SNX1: variants seen among roughly 807,000 people sequenced by gnomAD.
The protein encoded by SNX1 is sorting nexin-1.
A neutral mutation model predicts 71.8 loss-of-function variants in SNX1; 36 were observed. The ratio of observed to expected loss-of-function variants is 0.50; its 90% CI spans 0.38 to 0.66. The LOEUF (loss-of-function observed/expected upper bound fraction) is 0.66. Ranked by LOEUF, SNX1 falls within the 30% of genes least tolerant of loss-of-function variation. SNX1 has a pLI of 0.00. For synonymous variants in SNX1, 254 were observed against 240.7 expected, an observed-to-expected ratio of 1.06 and a Z score of -0.51; for missense variants, 612 against 646.7, an observed-to-expected ratio of 0.95 and a Z score of 0.58.
intron 2 of SNX1, among the ~76,000 whole-genome samples, chr15:64,117,422 G>GT (rs1188476286): frequency 6.6e-6 from 1 of 151,818 alleles, no homozygotes; most frequent in African/African-American, 2.4e-5. Context: ...CCTGGCTACT[G>GT]TTTTTTTGTA....
At chr15:64,136,132 T>G (rs2081357003) in intron 12 of SNX1, among the ~76,000 whole-genome samples, 198 bp from the exon 13 acceptor site, 4 of 152,186 alleles carry the variant, frequency 2.6e-5, no homozygotes, top group Admixed American at 2.6e-4. Context: ...GCATCTCTTT[T>G]CCAGTCAGCC....
chr15:64,126,282 C>T (rs1476322846), intron 6 of SNX1, 62 bp downstream of exon 6: 1 of 1,558,188 alleles, frequency 6.4e-7, no homozygotes, highest in East Asian at 2.2e-5. Context: ...CCAAAATTCA[C>T]TCACTGTTCA....
intron 11 of SNX1, among the ~76,000 whole-genome samples, chr15:64,133,511 C>T (rs190769668): frequency 2.0e-5 from 3 of 152,336 alleles, no homozygotes; most frequent in Admixed American, 6.5e-5. Flanking sequence ...AGATGGATCA[C>T]CTGAGGTCAG....
At chr15:64,098,034 C>G (rs552702527) in intron 1 of SNX1, among the ~76,000 whole-genome samples, 1 of 152,210 alleles carries the variant, frequency 6.6e-6, no homozygotes, top group East Asian at 1.9e-4. Context: ...AAACAGGAAA[C>G]AATTTTTGTT....
chr15:64,107,002 G>A (rs2081029312), intron 1 of SNX1, among the ~76,000 whole-genome samples: 1 of 152,172 alleles, frequency 6.6e-6, no homozygotes, highest in Non-Finnish European at 1.5e-5. Flanking sequence ...AGTAAAGGTG[G>A]CAAAACCAAC....
intron 4 of SNX1, among the ~76,000 whole-genome samples, chr15:64,119,456 A>C (rs187625604): frequency 6.6e-6 from 1 of 152,268 alleles, no homozygotes; most frequent in Non-Finnish European, 1.5e-5. Context: ...CAGGCCAGCC[A>C]TGGTGGCTCA....
Position 64,118,241 on chromosome 15 carries a change from G to A in SNX1, c.396G>A (p.Glu132=), listed in dbSNP as rs758601812. The A allele has an allele frequency of 6.2e-7, 1 of 1,612,560 alleles. No individual in the cohort carries two copies. Among genetic ancestry groups the A allele is most frequent in the South Asian group, 1.1e-5 (1 of 90,982 alleles). ...TNSSKPQPTY[E]ELEEEEQEDQ... ...CTTCGAAGCCCCAGCCAACCTATGA[G>A]GAGGTGAGGATCTGTGCTCTTGGTC... Residue 132 remains glutamate, a synonymous_variant, in exon 3 of 15, where the codon GAG becomes GAA. Coordinates refer to ENST00000559844, the MANE Select transcript of SNX1 (RefSeq NM_003099.5).
intron 2 of SNX1, among the ~76,000 whole-genome samples, chr15:64,113,456 A>G (rs2081097712): frequency 6.6e-6 from 1 of 152,168 alleles, no homozygotes; most frequent in Non-Finnish European, 1.5e-5. Context: ...TGTACACAGG[A>G]CAGGCCCTCA....
chr15:64,117,985 A>T, intron 2 of SNX1, 132 bp from the exon 3 acceptor site: 1 of 812,508 alleles, frequency 1.2e-6, no homozygotes, highest in Non-Finnish European at 2.0e-6. Flanking sequence ...TAAACATTTT[A>T]TGACTTTCAG....
chr15:64,132,800 G>T (rs1247520005), intron 11 of SNX1, among the ~76,000 whole-genome samples: 1 of 152,218 alleles, frequency 6.6e-6, no homozygotes, highest in African/African-American at 2.4e-5. Flanking sequence ...TTACCCCGTG[G>T]TGGAGATGCC....
chr15:64,097,186 G>T (rs2080911810), intron 1 of SNX1, among the ~76,000 whole-genome samples: 1 of 152,192 alleles, frequency 6.6e-6, no homozygotes, highest in South Asian at 2.1e-4. Context: ...GATGGTCCCT[G>T]CTTGGCCTGC....
At chr15:64,131,531 T>C (rs2081306568) in intron 10 of SNX1, 156 bp from the exon 11 acceptor site, 3 of 653,062 alleles carry the variant, frequency 4.6e-6, no homozygotes, top group Non-Finnish European at 7.9e-6. Context: ...ACTCTCTGAA[T>C]ACAGTTAACT....
intron 9 of SNX1, 47 bp from the exon 10 acceptor site, chr15:64,130,181 C>G: frequency 2.6e-6 from 4 of 1,538,334 alleles, no homozygotes; most frequent in Non-Finnish European, 3.6e-6. Flanking sequence ...GACTGTACTG[C>G]ACCCATAAAA....
chr15:64,119,682 C>T (rs1390044952), intron 4 of SNX1, among the ~76,000 whole-genome samples: 2 of 150,976 alleles, frequency 1.3e-5, no homozygotes, highest in Admixed American at 6.6e-5. Context: ...TGAGATCATG[C>T]CACTGCCCTC....
chr15:64,102,511 C>A (rs1283979104), intron 1 of SNX1, among the ~76,000 whole-genome samples: 5 of 152,076 alleles, frequency 3.3e-5, no homozygotes, highest in Non-Finnish European at 7.4e-5. Flanking sequence ...ACCCATTAAC[C>A]AACTTCTCCT....
intron 4 of SNX1, among the ~76,000 whole-genome samples, chr15:64,122,992 C>A (rs2081211179): frequency 6.6e-6 from 1 of 152,116 alleles, no homozygotes. Context: ...GTCAGTGTCC[C>A]CCCCGGCACC....
chr15:64,127,374 C>T, intron 7 of SNX1, 122 bp downstream of exon 7: 1 of 735,598 alleles, frequency 1.4e-6, no homozygotes, highest in Non-Finnish European at 2.3e-6. Flanking sequence ...TGAAGTTGCA[C>T]ACCTCCATAT....
In SNX1 at chr15:64,141,072, G is replaced by A. The variant is rs1011504547; in HGVS notation, c.*3454G>A. The A allele has an allele frequency of 2.6e-5, 4 of 151,780 alleles. No homozygotes were observed. The highest frequency in any genetic ancestry group is 9.7e-5 in the African/African-American group (4 of 41,370). 9.4% of individuals were successfully genotyped at this position (151,780 alleles called of 1,614,324 possible). Reference sequence around the variant, plus strand: ...TAGATTGATTGATTTGTAGAAACAAGATAGGTTAGAGATACCTGACATAAA... The same window carrying A: ...TAGATTGATTGATTTGTAGAAACAAAATAGGTTAGAGATACCTGACATAAA... On this transcript the variant is annotated 3_prime_UTR_variant, in exon 15 of 15. Transcript: ENST00000559844. The surrounding 1 kb of genome is among the most constrained non-coding windows in gnomAD (Gnocchi z 5.1).
chr15:64,126,381 G>A (rs544686441), intron 6 of SNX1, among the ~76,000 whole-genome samples, 161 bp downstream of exon 6: 20 of 152,258 alleles, frequency 1.3e-4, no homozygotes, highest in African/African-American at 4.6e-4. Flanking sequence ...GAGAAAAATA[G>A]CATATTTTGG....
Sources: allele counts gnomAD v4.1 joint callset (sites outside exome capture counted in the v4.1 genomes callset), GRCh38; gene constraint gnomAD v4.1.1; non-coding constraint Gnocchi (gnomAD v3.1); transcripts MANE v1.5; gene names NCBI Gene and HGNC (gene_info 2026-07-23, HGNC 2026-07-21).